GPC5: variants seen among roughly 807,000 people sequenced by gnomAD.
The protein encoded by GPC5 is glypican 5.
In GPC5, 47 loss-of-function variants were observed where a neutral mutation model predicts 53.9. That is an observed-to-expected ratio of 0.87 (90% CI 0.69 to 1.11). The LOEUF (loss-of-function observed/expected upper bound fraction) is 1.11, where lower values mean the gene tolerates loss of function less well. Among genes scored for constraint, GPC5 ranks in the 50% most tolerant of loss-of-function variants. The pLI is 0.00. For missense variants in GPC5, 748 were observed against 713.1 expected, an observed-to-expected ratio of 1.05 and a Z score of -0.56; for synonymous variants, 286 against 263.3, an observed-to-expected ratio of 1.09 and a Z score of -0.84.
chr13:92,634,297 T>A (rs1281491568), intron 7 of GPC5, among the ~76,000 whole-genome samples: 1 of 152,146 alleles, frequency 6.6e-6, no homozygotes, highest in East Asian at 1.9e-4. Flanking sequence ...GGGAATTATC[T>A]GTTCCTGAAG....
rs558618795 is a variant in GPC5 at position 92,757,173 on chromosome 13, C to T, written c.1562-109109C>T. Among the ~76,000 whole-genome samples, 292 of 152,128 alleles carry T rather than the reference C, an allele frequency of 1.9e-3. 4 individuals carry two copies. In the Middle Eastern group the frequency reaches 0.024, roughly 12 times the overall value. The stretch of plus-strand genomic sequence containing the variant: ...AACAGAACAGAGCCCTCTGAAATAA[C>T]GCCGCATATCTACAACTATCTGATC... On this transcript the variant is annotated intron_variant, in intron 7 of 7. Transcript: ENST00000377067.
chr13:91,813,172 G>A (rs566334129), intron 5 of GPC5, among the ~76,000 whole-genome samples: 4 of 152,166 alleles, frequency 2.6e-5, no homozygotes, highest in African/African-American at 4.8e-5. Flanking sequence ...ATATTGAAAG[G>A]GGCTTTTTTG....
chr13:91,547,778 T>C (rs1192243521), intron 2 of GPC5, among the ~76,000 whole-genome samples: 1 of 152,130 alleles, frequency 6.6e-6, no homozygotes, highest in East Asian at 1.9e-4. Context: ...ATATATACTC[T>C]AACCAAGTGG....
At chr13:92,252,290 T>G (rs1017404764) in intron 7 of GPC5, among the ~76,000 whole-genome samples, 1 of 152,132 alleles carries the variant, frequency 6.6e-6, no homozygotes, top group Non-Finnish European at 1.5e-5. Context: ...ACAGTGGATA[T>G]TTTTGGTTAA....
In GPC5 at chr13:92,297,176, G is replaced by A. The variant is rs186231878; in HGVS notation, c.1561+152187G>A. On this transcript the variant is annotated intron_variant, in intron 7 of 7. Transcript: ENST00000377067. ...AGTCTTTATATGTAGCTCAGGGATT[G>A]TAAACACACCAATCAGCACCCTGTG... Among the ~76,000 whole-genome samples, 851 of 152,368 alleles carry A rather than the reference G, an allele frequency of 5.6e-3. 8 individuals are homozygous for A. The highest frequency in any genetic ancestry group is 0.02 in the African/African-American group (820 of 41,584).
At chr13:92,476,176 T>A (rs1047920500) in intron 7 of GPC5, among the ~76,000 whole-genome samples, 3 of 151,970 alleles carry the variant, frequency 2.0e-5, no homozygotes, top group African/African-American at 4.8e-5. Flanking sequence ...GAATCTACAA[T>A]GAACTCAAAC....
intron 7 of GPC5, among the ~76,000 whole-genome samples, chr13:92,770,429 A>AG (rs1264806367): frequency 1.3e-5 from 2 of 151,546 alleles, no homozygotes; most frequent in Non-Finnish European, 2.9e-5. Context: ...AAAAAAAAAA[A>AG]AAAAAAGCAC....
intron 6 of GPC5, among the ~76,000 whole-genome samples, chr13:91,955,285 A>C (rs1444763039): frequency 1.3e-5 from 2 of 152,240 alleles, no homozygotes; most frequent in Admixed American, 6.5e-5. Flanking sequence ...AATTTTAAGA[A>C]GTACAAAGTT....
At chr13:92,841,236 C>A (rs1352171886) in intron 7 of GPC5, among the ~76,000 whole-genome samples, 1 of 152,108 alleles carries the variant, frequency 6.6e-6, no homozygotes, top group Admixed American at 6.6e-5. Flanking sequence ...TATTAACAGT[C>A]AGTCTTATTA....
At chr13:91,977,221 A>G (rs1373982510) in intron 6 of GPC5, among the ~76,000 whole-genome samples, 1 of 152,174 alleles carries the variant, frequency 6.6e-6, no homozygotes, top group Non-Finnish European at 1.5e-5. Context: ...GAATACAGGC[A>G]GATGTTTGAT....
At chr13:92,033,036 C>CGTGTGT (rs60958496) in intron 6 of GPC5, among the ~76,000 whole-genome samples, 20,753 of 138,792 alleles carry the variant, frequency 0.15, 1,668 homozygotes, top group Non-Finnish European at 0.17. Flanking sequence ...TAGTTATTGT[C>CGTGTGT]GTGTGTGTGT....
rs35437038 is a variant in GPC5, at chr13:92,624,080, A to ATT, written c.1562-242190_1562-242189dup. Among the ~76,000 whole-genome samples the ATT allele has an allele frequency of 4.8e-3, 673 of 138,992 alleles. 7 individuals are homozygous for ATT. Among genetic ancestry groups the ATT allele is most frequent in the African/African-American group, 0.014 (513 of 37,170 alleles). 91.2% of individuals were successfully genotyped at this position (138,992 alleles called of 152,430 possible). A position where few individuals can be genotyped will look rare whatever the true frequency, so the allele number is the denominator to read the frequency against. ...TTTCCCCACGTTGGCCAGGCTGGTA[A>ATT]TTTTTTTTTTTTTAGATGAAGTCTT... On this transcript the variant is annotated intron_variant, in intron 7 of 7. Transcript: ENST00000377067.
intron 6 of GPC5, among the ~76,000 whole-genome samples, chr13:92,018,969 A>G (rs1000253858): frequency 6.6e-6 from 1 of 152,036 alleles, no homozygotes. Flanking sequence ...GTATCTTCCT[A>G]AATATTGTTA....
intron 7 of GPC5, among the ~76,000 whole-genome samples, chr13:92,651,931 G>A (rs770725470): frequency 1.6e-4 from 25 of 151,572 alleles, no homozygotes; most frequent in Admixed American, 2.6e-4. Context: ...ATGGAAGAAC[G>A]TCAAGGATAC....
chr13:92,240,135 T>C (rs2042600863), intron 7 of GPC5: 1 of 152,074 alleles, frequency 6.6e-6, no homozygotes, highest in South Asian at 2.1e-4. Flanking sequence ...TCAATACTAT[T>C]CTAATACTGA....
At chr13:92,613,552 T>A (rs1490743066) in intron 7 of GPC5, among the ~76,000 whole-genome samples, 2 of 127,280 alleles carry the variant, frequency 1.6e-5, no homozygotes, top group African/African-American at 3.0e-5. Flanking sequence ...AATATATAAT[T>A]TATATACAAT....
At chr13:92,664,354 ATTTTT>A (rs34073544) in intron 7 of GPC5, among the ~76,000 whole-genome samples, 1,602 of 144,196 alleles carry the variant, frequency 0.011, 30 homozygotes, top group African/African-American at 0.037. Context: ...AATCCAATAG[ATTTTT>A]TTTTTTTTTT....
chr13:92,031,835 A>AATATATTACATATTATATATAATAT (rs1566403406), intron 6 of GPC5, among the ~76,000 whole-genome samples: 35 of 82,022 alleles, frequency 4.3e-4, no homozygotes, highest in South Asian at 1.7e-3. Flanking sequence ...TATAATATAT[A>AATATATTACATATTATATATAATAT]ATATATTACA....
At chr13:92,241,073 T>G (rs937451967) in intron 7 of GPC5, 1 of 152,178 alleles carries the variant, frequency 6.6e-6, no homozygotes, top group Non-Finnish European at 1.5e-5. Flanking sequence ...AAATACTCCC[T>G]GTCAGTTAAG....
Sources: gnomAD v4.1 joint callset for allele counts (sites outside exome capture counted in the v4.1 genomes callset) on GRCh38, gnomAD v4.1.1 for gene constraint, MANE v1.5 for transcripts, NCBI Gene and HGNC (gene_info 2026-07-23, HGNC 2026-07-21) for gene names.